NR6A1: variants seen among roughly 807,000 people sequenced by gnomAD.
The protein encoded by NR6A1 is nuclear receptor subfamily 6 group A member 1.
A neutral mutation model predicts 59.1 loss-of-function variants in NR6A1; 7 were observed. That is an observed-to-expected ratio of 0.12 (90% CI 0.07 to 0.22). NR6A1 has a LOEUF of 0.22. Among genes scored for constraint, NR6A1 ranks in the 10% least tolerant of loss-of-function variants. NR6A1 has a pLI of 1.00. For synonymous variants in NR6A1, 243 were observed against 236.1 expected (o/e 1.03, Z -0.27); for missense variants, 468 against 611.6 (o/e 0.77, Z 2.48).
intron 2 of NR6A1, among the ~76,000 whole-genome samples, chr9:124,608,028 C>A (rs4240487): frequency 6.6e-6 from 1 of 151,856 alleles, no homozygotes; most frequent in East Asian, 1.9e-4. Flanking sequence ...GCCGTGATCA[C>A]GCCATCGTAC....
chr9:124,706,170 AGT>A (rs1839128690), intron 2 of NR6A1, among the ~76,000 whole-genome samples: 1 of 152,218 alleles, frequency 6.6e-6, no homozygotes, highest in Non-Finnish European at 1.5e-5. Flanking sequence ...AGTCTAATTT[AGT>A]TCCAGGAAAT....
chr9:124,551,537 C>T (rs975890175), intron 3 of NR6A1, among the ~76,000 whole-genome samples: 3 of 152,186 alleles, frequency 2.0e-5, no homozygotes, highest in Admixed American at 6.5e-5. Context: ...ACAAATTTTA[C>T]AAACTAGAGT....
chr9:124,701,870 C>T (rs1838967276), intron 2 of NR6A1, among the ~76,000 whole-genome samples: 2 of 151,980 alleles, frequency 1.3e-5, no homozygotes, highest in Non-Finnish European at 2.9e-5. Context: ...ATTACAGGCG[C>T]CTGCCACCAC....
intron 5 of NR6A1, among the ~76,000 whole-genome samples, chr9:124,539,196 T>A (rs1294890344): frequency 6.6e-6 from 1 of 152,106 alleles, no homozygotes; most frequent in Non-Finnish European, 1.5e-5. Flanking sequence ...TGAGCCACCA[T>A]GCCTGGCATC....
intron 7 of NR6A1, 68 bp downstream of exon 7, chr9:124,535,810 A>C: frequency 9.3e-5 from 147 of 1,578,614 alleles, no homozygotes; most frequent in Non-Finnish European, 1.1e-4. Context: ...AGGGCCAGGC[A>C]ACTCTGCCTT....
At chr9:124,680,613 G>A (rs1838120334) in intron 2 of NR6A1, among the ~76,000 whole-genome samples, 1 of 152,058 alleles carries the variant, frequency 6.6e-6, no homozygotes, top group Admixed American at 6.6e-5. Context: ...AAAGCTCCAG[G>A]GGGATGCCAA....
chr9:124,694,268 T>C (rs1356583838), intron 2 of NR6A1, among the ~76,000 whole-genome samples: 3 of 152,152 alleles, frequency 2.0e-5, no homozygotes, highest in African/African-American at 7.2e-5. Context: ...CACAGATAAA[T>C]AGCTGTAATT....
intron 2 of NR6A1, among the ~76,000 whole-genome samples, chr9:124,556,462 T>A (rs1341897535): frequency 7.8e-6 from 1 of 129,014 alleles, no homozygotes; most frequent in East Asian, 3.3e-4. Context: ...GGATACTGAT[T>A]TTTTTTTTTT....
At chr9:124,721,220 A>G (rs1839553945) in intron 2 of NR6A1, among the ~76,000 whole-genome samples, 2 of 152,222 alleles carry the variant, frequency 1.3e-5, no homozygotes, top group African/African-American at 2.4e-5. Flanking sequence ...GAATGCAACT[A>G]TCTTTTCATC....
intron 2 of NR6A1, among the ~76,000 whole-genome samples, chr9:124,616,938 C>T (rs1835911425): frequency 6.6e-6 from 1 of 152,210 alleles, no homozygotes; most frequent in Admixed American, 6.5e-5. Flanking sequence ...AACATTTAAA[C>T]TACACACACC....
chr9:124,723,035 TAC>T (rs1301930841), intron 2 of NR6A1, among the ~76,000 whole-genome samples: 1 of 152,076 alleles, frequency 6.6e-6, no homozygotes, highest in African/African-American at 2.4e-5. Flanking sequence ...TAAATATATA[TAC>T]ATACACACTA....
At chr9:124,695,981 T>C (rs1307732395) in intron 2 of NR6A1, among the ~76,000 whole-genome samples, 1 of 152,092 alleles carries the variant, frequency 6.6e-6, no homozygotes, top group East Asian at 1.9e-4. Context: ...AGGGAGACAA[T>C]TATGTAAGTT....
Position 124,687,291 on chromosome 9 carries a change from A to ATTTATTTATTTATTTATTTATTTATTTAT in NR6A1, c.142+46016_142+46017insATAAATAAATAAATAAATAAATAAATAAA, listed in dbSNP as rs1838365950. On this transcript the variant is annotated intron_variant, in intron 2 of 9. Transcript: ENST00000487099. ...ACATGCCACCACAGCCAGCTAATTAATTATTTATTTATTTATTTATTTATT... is the reference window on the plus strand; with the variant it reads ...ACATGCCACCACAGCCAGCTAATTAATTTATTTATTTATTTATTTATTTATTTATTTATTTATTTATTTATTTATTTATT... 6.0e-4 allele frequency among the ~76,000 whole-genome samples: 85 copies of ATTTATTTATTTATTTATTTATTTATTTAT among 142,172 alleles called. 1 individual carries two copies. Among genetic ancestry groups the ATTTATTTATTTATTTATTTATTTATTTAT allele is most frequent in the African/African-American group, 2.2e-3 (83 of 36,992 alleles). 93.3% of individuals were successfully genotyped at this position (142,172 alleles called of 152,430 possible). A position where few individuals can be genotyped will look rare whatever the true frequency, so the allele number is the denominator to read the frequency against.
intron 2 of NR6A1, among the ~76,000 whole-genome samples, chr9:124,590,061 CAAAAAAA>C (rs71372976): frequency 2.3e-4 from 7 of 30,864 alleles, no homozygotes; most frequent in African/African-American, 5.2e-4. Context: ...AAGACTCTGT[CAAAAAAA>C]AAAAAAAAAA....
intron 2 of NR6A1, among the ~76,000 whole-genome samples, chr9:124,591,242 A>G (rs1835113826): frequency 1.3e-5 from 2 of 152,208 alleles, no homozygotes; most frequent in African/African-American, 4.8e-5. Context: ...ACTCATTTCA[A>G]TTCAAGCCAC....
At chr9:124,748,864 C>CA (rs533825423) in intron 1 of NR6A1, among the ~76,000 whole-genome samples, 4,498 of 66,666 alleles carry the variant, frequency 0.067, 220 homozygotes, top group African/African-American at 0.19. Context: ...GACTCTGTCT[C>CA]AAAAAAAAAA....
intron 2 of NR6A1, among the ~76,000 whole-genome samples, chr9:124,699,387 T>C (rs1157644627): frequency 6.6e-6 from 1 of 152,208 alleles, no homozygotes; most frequent in Non-Finnish European, 1.5e-5. Context: ...TCATTCACTC[T>C]AGGTCCATCA....
intron 3 of NR6A1, among the ~76,000 whole-genome samples, chr9:124,551,553 G>T (rs1833777707): frequency 1.3e-5 from 2 of 152,098 alleles, no homozygotes; most frequent in South Asian, 4.1e-4. Flanking sequence ...AGAGTGCTTT[G>T]TTTGTATGTA....
chr9:124,636,288 G>GTTC (rs1403102874), intron 2 of NR6A1, among the ~76,000 whole-genome samples: 2 of 151,536 alleles, frequency 1.3e-5, no homozygotes, highest in Non-Finnish European at 2.9e-5. Context: ...AGTTTTAAAG[G>GTTC]TTCTTTAGAC....
Sources: allele counts gnomAD v4.1 joint callset (sites outside exome capture counted in the v4.1 genomes callset), GRCh38; gene constraint gnomAD v4.1.1; transcripts MANE v1.5; gene names NCBI Gene and HGNC (gene_info 2026-07-23, HGNC 2026-07-21).